FABP7: variants seen among roughly 807,000 people sequenced by gnomAD.
The protein encoded by FABP7 is fatty acid binding protein 7, also known as fatty acid-binding protein, brain.
FABP7 carries 13 observed loss-of-function variants against 14.2 expected under a neutral mutation model. The ratio of observed to expected loss-of-function variants is 0.91; its 90% CI spans 0.59 to 1.45. The LOEUF (loss-of-function observed/expected upper bound fraction) is 1.45, where lower values mean the gene tolerates loss of function less well. Ranked by LOEUF, FABP7 falls within the 40% of genes most tolerant of loss-of-function variation. The pLI, the probability that FABP7 is intolerant of heterozygous loss-of-function variation, is 0.00. For missense variants in FABP7, 149 were observed against 157.6 expected, an observed-to-expected ratio of 0.95 and a Z score of 0.29; for synonymous variants, 49 against 51.4, an observed-to-expected ratio of 0.95 and a Z score of 0.20.
chr6:122,765,000 T>G, the FABP7 span, among the ~76,000 whole-genome samples: 3 of 152,210 alleles, frequency 2.0e-5, no homozygotes, highest in Non-Finnish European at 4.4e-5. Flanking sequence ...AGTTTCTTCC[T>G]GCAGATAAGT....
intron 2 of FABP7, 41 bp downstream of exon 2, chr6:122,780,504 G>A: frequency 6.4e-7 from 1 of 1,571,992 alleles, no homozygotes; most frequent in Non-Finnish European, 8.7e-7. Context: ...ATGGGGAGAG[G>A]GGAATAAAGA....
At chr6:122,774,571 G>A in the FABP7 span, among the ~76,000 whole-genome samples, 13 of 151,946 alleles carry the variant, frequency 8.6e-5, no homozygotes, top group Admixed American at 8.5e-4. Flanking sequence ...TCTGAATAAT[G>A]TAAAATAAGT....
the FABP7 span, among the ~76,000 whole-genome samples, chr6:122,756,434 A>C: frequency 6.6e-6 from 1 of 152,176 alleles, no homozygotes; most frequent in African/African-American, 2.4e-5. Flanking sequence ...AATAGACCCA[A>C]TTAAAAAGGA....
chr6:122,783,066 T>C (rs1780834010), intron 3 of FABP7: 1 of 985,216 alleles, frequency 1.0e-6, no homozygotes, highest in Non-Finnish European at 1.2e-6. Context: ...GAACATCACA[T>C]CAATACATGA....
At chr6:122,776,402 C>T (rs6569280), upstream of FABP7, among the ~76,000 whole-genome samples, 146,588 of 152,282 alleles carry the variant, frequency 0.96, 70,778 homozygotes, top group East Asian at 1. Flanking sequence ...GGATATTAAA[C>T]GAAATAAGCC....
the FABP7 span, among the ~76,000 whole-genome samples, chr6:122,772,200 G>C: frequency 1.1e-4 from 16 of 152,118 alleles, no homozygotes; most frequent in Non-Finnish European, 2.4e-4. Context: ...TGGCCGAGTT[G>C]TTGCATATGA....
chr6:122,769,521 G>T, the FABP7 span, among the ~76,000 whole-genome samples: 1 of 151,996 alleles, frequency 6.6e-6, no homozygotes, highest in Non-Finnish European at 1.5e-5. Flanking sequence ...TTTCTTGTAC[G>T]TACTGGAGAG....
At chr6:122,766,803 A>C in the FABP7 span, among the ~76,000 whole-genome samples, 2 of 152,108 alleles carry the variant, frequency 1.3e-5, no homozygotes, top group South Asian at 4.1e-4. Flanking sequence ...TAATATTGTA[A>C]GAAATATTAA....
At chr6:122,750,567 G>C in the FABP7 span, among the ~76,000 whole-genome samples, 1 of 152,140 alleles carries the variant, frequency 6.6e-6, no homozygotes, top group African/African-American at 2.4e-5. Context: ...CATAGTGTTT[G>C]TTACCCATGT....
At chr6:122,756,393 T>A in the FABP7 span, among the ~76,000 whole-genome samples, 1 of 152,240 alleles carries the variant, frequency 6.6e-6, no homozygotes, top group Non-Finnish European at 1.5e-5. Flanking sequence ...CTTCATTCTA[T>A]TAATGAAGTT....
the FABP7 span, among the ~76,000 whole-genome samples, chr6:122,767,456 G>T: frequency 6.6e-6 from 1 of 151,892 alleles, no homozygotes; most frequent in Non-Finnish European, 1.5e-5. Context: ...AGAGGACTTC[G>T]GTAAATCACA....
chr6:122,762,591 A>T, the FABP7 span, among the ~76,000 whole-genome samples: 1 of 152,166 alleles, frequency 6.6e-6, no homozygotes. Context: ...GGAAAAGAGG[A>T]AGTCAAATTG....
At chr6:122,765,349 G>T in the FABP7 span, among the ~76,000 whole-genome samples, 1 of 151,972 alleles carries the variant, frequency 6.6e-6, no homozygotes, top group Non-Finnish European at 1.5e-5. Flanking sequence ...AGCTGGCATG[G>T]CATTTTGACC....
the FABP7 span, among the ~76,000 whole-genome samples, chr6:122,762,144 A>G: frequency 2.0e-5 from 3 of 152,194 alleles, no homozygotes. Context: ...ATCCTCAATA[A>G]AATACTGGCA....
the FABP7 span, among the ~76,000 whole-genome samples, chr6:122,764,383 T>C: frequency 6.6e-6 from 1 of 151,152 alleles, no homozygotes; most frequent in African/African-American, 2.4e-5. Context: ...CACCAGGGCC[T>C]GTCATGGGGT....
chr6:122,759,320 G>T, the FABP7 span, among the ~76,000 whole-genome samples: 6 of 152,080 alleles, frequency 3.9e-5, no homozygotes, highest in African/African-American at 1.4e-4. Context: ...ACAGAAAGAG[G>T]TCTGTCATTG....
chr6:122,770,021 T>C, the FABP7 span, among the ~76,000 whole-genome samples: 2 of 152,150 alleles, frequency 1.3e-5, no homozygotes, highest in African/African-American at 4.8e-5. Flanking sequence ...TATCAAACCA[T>C]ATTGATAGCT....
At chr6:122,750,497 T>C in the FABP7 span, among the ~76,000 whole-genome samples, 1 of 152,232 alleles carries the variant, frequency 6.6e-6, no homozygotes, top group African/African-American at 2.4e-5. Flanking sequence ...ACCAGACATG[T>C]GCAATAATAA....
chr6:122,754,955 A>G, the FABP7 span, among the ~76,000 whole-genome samples: 6 of 151,902 alleles, frequency 3.9e-5, no homozygotes, highest in South Asian at 2.1e-4. Context: ...TTTCCCAGGT[A>G]TTGACATCAC....
Sources: allele counts gnomAD v4.1 joint callset (sites outside exome capture counted in the v4.1 genomes callset), GRCh38; gene constraint gnomAD v4.1.1; transcripts MANE v1.5; gene names NCBI Gene and HGNC (gene_info 2026-07-23, HGNC 2026-07-21).